CSF1R: variants seen among roughly 807,000 people sequenced by gnomAD.
CSF1R encodes the protein colony stimulating factor 1 receptor, also known as macrophage colony-stimulating factor 1 receptor.
CSF1R carries 40 observed loss-of-function variants against 110.0 expected under a neutral mutation model. The ratio of observed to expected loss-of-function variants is 0.36; its 90% CI spans 0.28 to 0.47. The LOEUF (loss-of-function observed/expected upper bound fraction) is 0.47, where lower values mean the gene tolerates loss of function less well. Ranked by LOEUF, CSF1R falls within the 20% of genes least tolerant of loss-of-function variation. The pLI, the probability that CSF1R is intolerant of heterozygous loss-of-function variation, is 0.99. For missense variants in CSF1R, 1,052 were observed against 1,253.0 expected (o/e 0.84, Z 2.42); for synonymous variants, 523 against 503.4 (o/e 1.04, Z -0.52).
chr5:150,104,954 C>G (rs1759502793), intron 1 of CSF1R, among the ~76,000 whole-genome samples: 1 of 151,402 alleles, frequency 6.6e-6, no homozygotes, highest in Admixed American at 6.6e-5. Context: ...TCTCAGCTCA[C>G]TGCAACCTCC....
chr5:150,082,002 T>G (rs1207508020), intron 1 of CSF1R, among the ~76,000 whole-genome samples: 2 of 152,204 alleles, frequency 1.3e-5, no homozygotes, highest in East Asian at 3.9e-4. Flanking sequence ...AACACATTGT[T>G]GGCGTCAGGC....
chr5:150,071,478 G>A (rs1052136757), intron 6 of CSF1R, among the ~76,000 whole-genome samples: 5 of 152,190 alleles, frequency 3.3e-5, no homozygotes, highest in African/African-American at 1.2e-4. Context: ...GGTATTCAGA[G>A]AGCAGTCTCA....
intron 1 of CSF1R, among the ~76,000 whole-genome samples, chr5:150,111,010 G>T (rs955976039): frequency 6.6e-6 from 1 of 151,750 alleles, no homozygotes; most frequent in Non-Finnish European, 1.5e-5. Flanking sequence ...TGAGGTTCAC[G>T]TGAAGTTATA....
At chr5:150,071,393 A>C (rs1029841699) in intron 6 of CSF1R, among the ~76,000 whole-genome samples, 1 of 152,196 alleles carries the variant, frequency 6.6e-6, no homozygotes, top group Admixed American at 6.5e-5. Context: ...AAAATAAATA[A>C]AATTTTAAAA....
chr5:150,090,445 C>A (rs1332543529), upstream of CSF1R, among the ~76,000 whole-genome samples: 2 of 152,114 alleles, frequency 1.3e-5, no homozygotes, highest in African/African-American at 4.8e-5. Flanking sequence ...ATAGTAAAGC[C>A]CTCCCCAAAC....
chr5:150,094,899 C>A, intron 1 of CSF1R: 3 of 1,263,900 alleles, frequency 2.4e-6, no homozygotes, highest in Non-Finnish European at 3.4e-6. Context: ...TGTTGGAAAA[C>A]GCTTCAAAGA....
chr5:150,075,150 TC>T (rs1327405237), intron 5 of CSF1R, among the ~76,000 whole-genome samples: 1 of 152,160 alleles, frequency 6.6e-6, no homozygotes, highest in African/African-American at 2.4e-5. Context: ...GTAGCTTTCT[TC>T]TCTCTCCAAG....
chr5:150,108,861 C>T (rs1267051368), intron 1 of CSF1R, among the ~76,000 whole-genome samples: 1 of 152,096 alleles, frequency 6.6e-6, no homozygotes, highest in African/African-American at 2.4e-5. Context: ...ATGCCAAGAA[C>T]ATGTGGGTGA....
intron 1 of CSF1R, among the ~76,000 whole-genome samples, chr5:150,083,349 A>AAC (rs59055324): frequency 0.068 from 7,231 of 106,226 alleles, 292 homozygotes; most frequent in South Asian, 0.1. Context: ...CTTCTCTCCC[A>AAC]ACACACACAC....
rs780403646 is a variant in CSF1R at position 150,105,347 on chromosome 5, C to CA, written c.-181+7913dup. Among the ~76,000 whole-genome samples, 525 of 76,520 alleles carry CA rather than the reference C, an allele frequency of 6.9e-3. 4 individuals are homozygous for CA. The highest frequency in any genetic ancestry group is 0.026 in the African/African-American group (437 of 16,562). The allele number at this position is 76,520 out of a possible 152,430, so 50.2% of individuals were successfully genotyped here. ...TGGGTGACAGAGAGAGACTCTGTCT[C>CA]AAAAAAAAAAAAAAAAATATATATA... is the stretch of plus-strand genomic sequence containing the variant. On this transcript the variant is annotated intron_variant, in intron 1 of 21. Coordinates refer to the CSF1R transcript ENST00000286301.
At chr5:150,104,384 A>G (rs1249206281) in intron 1 of CSF1R, among the ~76,000 whole-genome samples, 1 of 152,214 alleles carries the variant, frequency 6.6e-6, no homozygotes, top group Non-Finnish European at 1.5e-5. Flanking sequence ...CTATCCATCC[A>G]GCTAATTCCT....
intron 14 of CSF1R, 122 bp from the exon 15 acceptor site, chr5:150,057,714 C>G: frequency 2.9e-6 from 2 of 685,088 alleles, no homozygotes; most frequent in South Asian, 1.7e-5. Context: ...AAGAAACCCT[C>G]CTGCCACACT....
chr5:150,068,899 T>G (rs1485426963), intron 9 of CSF1R, among the ~76,000 whole-genome samples: 3 of 152,198 alleles, frequency 2.0e-5, no homozygotes, highest in African/African-American at 7.2e-5. Context: ...ACTTCCTTGC[T>G]CAGATCAGTA....
chr5:150,056,045 G>C lies in CSF1R; in HGVS notation c.2535C>G (p.Leu845=), dbSNP rs56327604. The C allele has an allele frequency of 0.039, 63,438 of 1,614,122 alleles. 1,530 individuals are homozygous for C. The highest frequency in any genetic ancestry group is 0.047 in the Non-Finnish European group (55,094 of 1,179,944). Residue 845 remains leucine (L), a synonymous_variant, in exon 18 of 21, where the codon CTC becomes CTG. Transcript: ENST00000675795. ...GCTCACCAAGTGAGAAGATCTCCCAGAGGAGGATGCCATAGGACCAGACGT... is the reference window on the plus strand; with the variant it reads ...GCTCACCAAGTGAGAAGATCTCCCACAGGAGGATGCCATAGGACCAGACGT... ...QSDVWSYGIL[L]WEIFSLGLNP... is the part of the protein sequence containing the mutation.
chr5:150,062,874 C>T (rs1397214289), intron 10 of CSF1R, among the ~76,000 whole-genome samples: 1 of 152,134 alleles, frequency 6.6e-6, no homozygotes, highest in African/African-American at 2.4e-5. Flanking sequence ...AGGAACAGTG[C>T]ATGGAAATGC....
chr5:150,105,607 C>G (rs1373061392), intron 1 of CSF1R, among the ~76,000 whole-genome samples: 1 of 151,960 alleles, frequency 6.6e-6, no homozygotes, highest in African/African-American at 2.4e-5. Context: ...ACTGAAGCCT[C>G]AAACTCCTGG....
intron 9 of CSF1R, among the ~76,000 whole-genome samples, chr5:150,069,581 C>G (rs780904820): frequency 2.0e-5 from 3 of 152,180 alleles, no homozygotes; most frequent in Non-Finnish European, 2.9e-5. Context: ...CCTGCACATA[C>G]TTGTGAATAG....
Position 150,054,207 on chromosome 5 carries a change from C to T in CSF1R, c.2781G>A (p.Pro927=), listed in dbSNP as rs779071074. ...CGCTGCCACCGCTTCTGCTGCTGCTCGGCAGATTGGTATAGTCCTGAGGGT... is the reference window on the plus strand; with the variant it reads ...CGCTGCCACCGCTTCTGCTGCTGCTTGGCAGATTGGTATAGTCCTGAGGGT... ...DRRERDYTNL[P]SSSRSGGSGS... is the part of the protein sequence containing the mutation. The change falls in exon 21 of 21, where the codon CCG becomes CCA. Residue 927 remains proline, a synonymous_variant. Coordinates refer to ENST00000675795, the MANE Select transcript of CSF1R (RefSeq NM_001288705.3). The T allele has an allele frequency of 2.2e-5, 35 of 1,611,878 alleles. No individual in the cohort carries two copies. The highest frequency in any genetic ancestry group is 4.0e-5 in the African/African-American group (3 of 74,830).
intron 1 of CSF1R, among the ~76,000 whole-genome samples, chr5:150,097,268 AGAAG>A (rs113029279): frequency 1.4e-5 from 2 of 143,042 alleles, no homozygotes; most frequent in African/African-American, 2.7e-5. Flanking sequence ...AGAAAGGGAA[AGAAG>A]GAAGGAAGGA....
Sources: allele counts gnomAD v4.1 joint callset (sites outside exome capture counted in the v4.1 genomes callset), GRCh38; gene constraint gnomAD v4.1.1; transcripts MANE v1.5; gene names NCBI Gene and HGNC (gene_info 2026-07-23, HGNC 2026-07-21).